The following DLC1 variants were observed in gnomAD, a reference collection of about 807,000 sequenced individuals.
DLC1 encodes the protein rho GTPase-activating protein 7.
A neutral mutation model predicts 140.3 loss-of-function variants in DLC1; 54 were observed. The observed-to-expected ratio is 0.38, with a 90% CI of 0.31 to 0.48. DLC1 has a LOEUF of 0.48. DLC1 is among the 20% of genes least tolerant of loss of function. The pLI is 0.96. For missense variants in DLC1, 2,536 were observed against 1,907.0 expected, an observed-to-expected ratio of 1.33 and a Z score of -6.14; for synonymous variants, 986 against 728.1, an observed-to-expected ratio of 1.35 and a Z score of -5.70.
At position 13,205,522 on chromosome 8, in the gene DLC1, AC is replaced by A. The variant is rs142515504; in HGVS notation, c.1349-89866del. The stretch of plus-strand genomic sequence containing the variant: ...ATTTACATAAGGGCGGGGGGCCCAA[AC>A]TTTTGGTTTCCCTGGGCCACATTGG... On this transcript the variant is annotated intron_variant, in intron 5 of 17. Coordinates refer to ENST00000276297, the MANE Select transcript of DLC1 (RefSeq NM_182643.3). Among the ~76,000 whole-genome samples the A allele has an allele frequency of 2.9e-3, 444 of 152,260 alleles. 1 individual carries two copies. Among genetic ancestry groups the A allele is most frequent in the Non-Finnish European group, 4.9e-3 (333 of 68,014 alleles).
chr8:13,468,231 T>G (rs1462629305), intron 2 of DLC1, among the ~76,000 whole-genome samples: 2 of 152,214 alleles, frequency 1.3e-5, no homozygotes, highest in African/African-American at 2.4e-5. Context: ...ATTTTCAAAT[T>G]TATTAACTTA....
intron 5 of DLC1, among the ~76,000 whole-genome samples, chr8:13,211,790 T>C (rs1370115516): frequency 2.6e-5 from 4 of 152,040 alleles, no homozygotes; most frequent in Non-Finnish European, 5.9e-5. Context: ...AGAGTAGAAA[T>C]AAAAACTAGG....
chr8:13,316,421 C>CT (rs200548235), intron 4 of DLC1, among the ~76,000 whole-genome samples: 49 of 151,048 alleles, frequency 3.2e-4, no homozygotes, highest in Middle Eastern at 3.4e-3. Flanking sequence ...TAGCATGTTT[C>CT]TTTTTTTTTG....
Position 13,448,511 on chromosome 8 carries a change from C to T in DLC1, c.1024-46892G>A, listed in dbSNP as rs189379832. ...TCAAGTAGCTGGGACTACAGGTGTG[C>T]GCCACCACACCCGGCTAATTTTTGT... On this transcript the variant is annotated intron_variant, in intron 2 of 17. Transcript: ENST00000276297. 2.6e-5 allele frequency among the ~76,000 whole-genome samples: 4 copies of T among 151,970 alleles called. No homozygotes were observed. The East Asian group carries it at 7.8e-4, about 30-fold the overall frequency.
chr8:13,448,013 A>G (rs1798862623), intron 2 of DLC1, among the ~76,000 whole-genome samples: 1 of 152,206 alleles, frequency 6.6e-6, no homozygotes, highest in African/African-American at 2.4e-5. Flanking sequence ...GAAACACCCA[A>G]GGCCTAGAAT....
At chr8:13,199,429 C>T (rs554493015) in intron 5 of DLC1, among the ~76,000 whole-genome samples, 1 of 152,088 alleles carries the variant, frequency 6.6e-6, no homozygotes, top group East Asian at 1.9e-4. Context: ...CGCAATCCTC[C>T]CGCGTCCTTC....
chr8:13,113,086 G>T (rs1020424838), intron 6 of DLC1, among the ~76,000 whole-genome samples: 1 of 152,136 alleles, frequency 6.6e-6, no homozygotes, highest in Non-Finnish European at 1.5e-5. Context: ...AATCTGGTAG[G>T]TATTAAATGC....
At position 13,453,561 on chromosome 8, in the gene DLC1, T is replaced by A. The variant is rs1359158772; in HGVS notation, c.1023+45488A>T. 5.0e-4 allele frequency among the ~76,000 whole-genome samples: 24 copies of A among 47,848 alleles called. 2 individuals are homozygous for A. The highest frequency in any genetic ancestry group is 1.1e-3 in the African/African-American group (14 of 12,230). 31.4% of individuals were successfully genotyped at this position (47,848 alleles called of 152,430 possible). The stretch of plus-strand genomic sequence containing the variant: ...ATACATATATATATATATATATTTT[T>A]TTTTTTTTTTTTTCAGATAGAAATG... On this transcript the variant is annotated intron_variant, in intron 2 of 17. Transcript: ENST00000276297.
At chr8:13,122,544 C>G (rs1019786560) in intron 5 of DLC1, among the ~76,000 whole-genome samples, 24 of 152,012 alleles carry the variant, frequency 1.6e-4, no homozygotes, top group African/African-American at 5.6e-4. Flanking sequence ...AGACTGAAAA[C>G]GATGACTTGA....
intron 5 of DLC1, among the ~76,000 whole-genome samples, chr8:13,137,864 C>T (rs906368427): frequency 6.6e-6 from 1 of 152,020 alleles, no homozygotes; most frequent in African/African-American, 2.4e-5. Flanking sequence ...TCCCAAAGTG[C>T]TGGGATTACA....
intron 4 of DLC1, among the ~76,000 whole-genome samples, chr8:13,362,726 C>T (rs993506967): frequency 6.6e-6 from 1 of 152,208 alleles, no homozygotes; most frequent in East Asian, 1.9e-4. Flanking sequence ...TAATCTCTGT[C>T]TCTGGTGTCT....
chr8:13,121,514 C>T (rs1002188533), intron 5 of DLC1, among the ~76,000 whole-genome samples: 9 of 152,236 alleles, frequency 5.9e-5, no homozygotes, highest in African/African-American at 2.2e-4. Flanking sequence ...TGACTCCCAG[C>T]CCTGGATGTA....
At chr8:13,126,356 T>A (rs1259939404) in intron 5 of DLC1, among the ~76,000 whole-genome samples, 5 of 140,928 alleles carry the variant, frequency 3.5e-5, no homozygotes, top group Admixed American at 2.9e-4. Flanking sequence ...GACACACATA[T>A]CTCTCTATCC....
chr8:13,172,909 G>T (rs75484516), intron 5 of DLC1, among the ~76,000 whole-genome samples: 18,242 of 152,150 alleles, frequency 0.12, 1,168 homozygotes, highest in South Asian at 0.19. Flanking sequence ...CCATCTTTCT[G>T]TAGTTGATGT....
intron 2 of DLC1, among the ~76,000 whole-genome samples, chr8:13,484,044 C>T (rs914479512): frequency 5.3e-5 from 8 of 152,110 alleles, no homozygotes; most frequent in African/African-American, 1.9e-4. Context: ...CATGCCATTG[C>T]ACTCCAGCCT....
chr8:13,296,374 C>G (rs1199821196), intron 5 of DLC1, among the ~76,000 whole-genome samples: 1 of 152,064 alleles, frequency 6.6e-6, no homozygotes, highest in African/African-American at 2.4e-5. Flanking sequence ...AATTTTTCTA[C>G]TGATAAGAGG....
intron 5 of DLC1, among the ~76,000 whole-genome samples, chr8:13,238,144 G>A (rs1248323924): frequency 3.3e-5 from 5 of 151,958 alleles, no homozygotes; most frequent in African/African-American, 7.3e-5. Flanking sequence ...AGGCATGTGT[G>A]CATATATGCG....
chr8:13,385,265 G>A (rs2117179612), intron 4 of DLC1, among the ~76,000 whole-genome samples: 1 of 152,216 alleles, frequency 6.6e-6, no homozygotes, highest in East Asian at 1.9e-4. Flanking sequence ...AACAACAACA[G>A]TAACAACAAC....
chr8:13,238,666 A>C (rs1017063899), intron 5 of DLC1, among the ~76,000 whole-genome samples: 1 of 152,148 alleles, frequency 6.6e-6, no homozygotes, highest in East Asian at 1.9e-4. Context: ...TCTGAGGATC[A>C]GCCTAGATTT....
Sources: allele counts gnomAD v4.1 joint callset (sites outside exome capture counted in the v4.1 genomes callset), GRCh38; gene constraint gnomAD v4.1.1; transcripts MANE v1.5; gene names NCBI Gene and HGNC (gene_info 2026-07-23, HGNC 2026-07-21).